The following TMPRSS15 variants were observed in gnomAD, a reference collection of about 807,000 sequenced individuals.
TMPRSS15 encodes the protein transmembrane serine protease 15.
In TMPRSS15, 128 loss-of-function variants were observed where a neutral mutation model predicts 125.3. The ratio of observed to expected loss-of-function variants is 1.02; its 90% CI spans 0.89 to 1.18. The LOEUF (loss-of-function observed/expected upper bound fraction) is 1.18, where lower values mean the gene tolerates loss of function less well. Among genes scored for constraint, TMPRSS15 ranks in the 50% most tolerant of loss-of-function variants. TMPRSS15 has a pLI of 0.00. For synonymous variants in TMPRSS15, 446 were observed against 423.2 expected, an observed-to-expected ratio of 1.05 and a Z score of -0.66; for missense variants, 1,283 against 1,212.7, an observed-to-expected ratio of 1.06 and a Z score of -0.86.
chr21:18,295,408 T>C (rs1250520475), intron 19 of TMPRSS15, among the ~76,000 whole-genome samples: 3 of 152,230 alleles, frequency 2.0e-5, no homozygotes, highest in Admixed American at 6.5e-5. Flanking sequence ...TATTTCCAAA[T>C]GCAACCACTG....
intron 1 of TMPRSS15, among the ~76,000 whole-genome samples, chr21:18,431,653 G>A (rs2076216700): frequency 6.6e-6 from 1 of 151,908 alleles, no homozygotes; most frequent in Non-Finnish European, 1.5e-5. Context: ...GTCCACTAAA[G>A]CAATTATAAT....
chr21:18,282,030 G>A (rs2074705943), intron 21 of TMPRSS15, among the ~76,000 whole-genome samples: 1 of 148,382 alleles, frequency 6.7e-6, no homozygotes, highest in Admixed American at 6.8e-5. Flanking sequence ...CCCGGGGGGC[G>A]GAGCTTGCAG....
At chr21:18,338,806 A>C (rs1031057440) in intron 13 of TMPRSS15, among the ~76,000 whole-genome samples, 1 of 152,134 alleles carries the variant, frequency 6.6e-6, no homozygotes, top group African/African-American at 2.4e-5. Context: ...TGATGTTAGG[A>C]ATCAGTCATA....
chr21:18,330,801 G>A (rs573213396), intron 14 of TMPRSS15, among the ~76,000 whole-genome samples: 21 of 152,050 alleles, frequency 1.4e-4, no homozygotes, highest in Admixed American at 1.2e-3. Context: ...GGCCGGGCAC[G>A]GTGGCTCAAG....
At chr21:18,430,624 C>A (rs1168516348) in intron 1 of TMPRSS15, among the ~76,000 whole-genome samples, 3 of 152,154 alleles carry the variant, frequency 2.0e-5, no homozygotes, top group Non-Finnish European at 2.9e-5. Context: ...TTACTACAAT[C>A]TGCTGCTCTG....
At chr21:18,329,815 A>C (rs1055842723) in intron 14 of TMPRSS15, among the ~76,000 whole-genome samples, 1 of 151,704 alleles carries the variant, frequency 6.6e-6, no homozygotes, top group African/African-American at 2.4e-5. Flanking sequence ...TCTTGTTTTT[A>C]TTGATTTTGT....
intron 1 of TMPRSS15, among the ~76,000 whole-genome samples, chr21:18,451,898 C>A (rs1978345347): frequency 6.9e-6 from 1 of 145,790 alleles, no homozygotes; most frequent in East Asian, 1.9e-4. Flanking sequence ...GCATGACATG[C>A]ATGCATAATT....
In TMPRSS15 at chr21:18,294,414, A is replaced by T; in HGVS notation, c.2342T>A (p.Ile781Asn). 2 of 1,614,234 alleles carry T rather than the reference A, an allele frequency of 1.2e-6. No homozygotes were observed. Among genetic ancestry groups the T allele is most frequent in the South Asian group, 2.2e-5 (2 of 91,084 alleles). The change falls in exon 21 of 25, where the codon ATC becomes AAC. Residue 781 changes from isoleucine to asparagine, a missense_variant. By Grantham distance (149) the Ile-to-Asn change is moderately radical (BLOSUM62 -3). Coordinates refer to ENST00000284885, the MANE Select transcript of TMPRSS15 (RefSeq NM_002772.3). ...SCGKKLAAQD[I>N]TPKIVGGSNA... The stretch of plus-strand genomic sequence containing the variant: ...ACTTCCTCCAACAATCTTTGGGGTG[A>T]TGTCTTGAGCTGCCAGTTTTTTTCC...
intron 21 of TMPRSS15, among the ~76,000 whole-genome samples, chr21:18,287,982 G>T (rs1349350807): frequency 1.3e-5 from 2 of 152,030 alleles, no homozygotes; most frequent in Non-Finnish European, 2.9e-5. Context: ...CCCACTGCTA[G>T]GAATCAATCC....
At chr21:18,313,109 CAG>C (rs1407141714) in intron 17 of TMPRSS15, 32 bp from the exon 18 acceptor site, 5 of 1,516,122 alleles carry the variant, frequency 3.3e-6, no homozygotes, top group Non-Finnish European at 4.6e-6. Flanking sequence ...TGGTAGTTAC[CAG>C]AGACTGAAGG....
In TMPRSS15 at chr21:18,306,375, T is replaced by C. The variant is rs1208108806; in HGVS notation, c.2165+6570A>G. On this transcript the variant is annotated intron_variant, in intron 18 of 24. Transcript: ENST00000284885. ...GGTTACATCAGAATTTAAATGATTA[T>C]GCTCTATGTTTTTGAAAGGCTTATT... 2.0e-5 allele frequency among the ~76,000 whole-genome samples: 3 copies of C among 152,240 alleles called. No homozygotes were observed. The East Asian group carries it at 5.8e-4, about 29-fold the overall frequency.
chr21:18,416,354 A>G (rs944705616), intron 1 of TMPRSS15, among the ~76,000 whole-genome samples: 5 of 152,106 alleles, frequency 3.3e-5, no homozygotes, highest in African/African-American at 1.2e-4. Context: ...TTGAGAAAGA[A>G]GAGCAAAGCT....
At chr21:18,313,795 A>T (rs1601319328) in intron 17 of TMPRSS15, among the ~76,000 whole-genome samples, 1 of 151,774 alleles carries the variant, frequency 6.6e-6, no homozygotes, top group East Asian at 1.9e-4. Context: ...CAGAAAATAA[A>T]GTTATCTGTG....
At chr21:18,464,462 A>G (rs1475586817) in intron 1 of TMPRSS15, among the ~76,000 whole-genome samples, 1 of 152,182 alleles carries the variant, frequency 6.6e-6, no homozygotes, top group Non-Finnish European at 1.5e-5. Flanking sequence ...AAAAAAATCA[A>G]TGAATCCAGG....
chr21:18,446,464 G>A (rs891009193), intron 1 of TMPRSS15, among the ~76,000 whole-genome samples: 2 of 151,996 alleles, frequency 1.3e-5, no homozygotes, highest in Non-Finnish European at 2.9e-5. Flanking sequence ...AAATTTATAC[G>A]GAACCACAAA....
intron 16 of TMPRSS15, among the ~76,000 whole-genome samples, chr21:18,321,501 T>C (rs545302990): frequency 4.3e-4 from 65 of 151,944 alleles, no homozygotes; most frequent in East Asian, 1.8e-3. Flanking sequence ...TACAGGTGCC[T>C]GCCACCACGC....
intron 1 of TMPRSS15, among the ~76,000 whole-genome samples, chr21:18,439,976 A>G (rs1314531266): frequency 1.3e-5 from 2 of 152,188 alleles, no homozygotes; most frequent in African/African-American, 4.8e-5. Flanking sequence ...GTTGTTGTGG[A>G]TAAGTTTTAT....
rs540004490 is a variant in TMPRSS15 at position 18,419,220 on chromosome 21, CTTTTTT to C, written c.11-20897_11-20892del. On this transcript the variant is annotated intron_variant, in intron 1 of 7. Coordinates refer to the TMPRSS15 transcript ENST00000422787. ...TGATAAGCAATATGTGACATTTCCT[CTTTTTT>C]TTTTTTTTTTTTTTTTTGAGACGGA... is the stretch of plus-strand genomic sequence containing the variant. 5.5e-5 allele frequency among the ~76,000 whole-genome samples: 6 copies of C among 108,620 alleles called. No homozygotes were observed. In the East Asian group the frequency reaches 9.1e-4, roughly 17 times the overall value. 71.3% of individuals were successfully genotyped at this position (108,620 alleles called of 152,430 possible).
chr21:18,478,122 A>G (rs559042584), intron 1 of TMPRSS15, among the ~76,000 whole-genome samples: 1 of 152,076 alleles, frequency 6.6e-6, no homozygotes, highest in East Asian at 1.9e-4. Flanking sequence ...AAGGCAAATG[A>G]TGTTTTTTTC....
Sources: allele counts gnomAD v4.1 joint callset (sites outside exome capture counted in the v4.1 genomes callset), GRCh38; gene constraint gnomAD v4.1.1; transcripts MANE v1.5; gene names NCBI Gene and HGNC (gene_info 2026-07-23, HGNC 2026-07-21).